Variants in SLC24A3 observed in about 807,000 individuals in gnomAD.
SLC24A3 encodes the protein solute carrier family 24 member 3, also known as sodium/potassium/calcium exchanger 3.
SLC24A3 carries 28 observed loss-of-function variants against 75.8 expected under a neutral mutation model. The observed-to-expected ratio is 0.37, with a 90% confidence interval of 0.27 to 0.51. The LOEUF (loss-of-function observed/expected upper bound fraction) is 0.51. Among genes scored for constraint, SLC24A3 ranks in the 20% least tolerant of loss-of-function variants. SLC24A3 has a pLI of 0.94. For synonymous variants in SLC24A3, 372 were observed against 334.1 expected (o/e 1.11, Z -1.24); for missense variants, 663 against 847.8 (o/e 0.78, Z 2.71).
intron 1 of SLC24A3, among the ~76,000 whole-genome samples, chr20:19,251,626 C>A (rs775434144): frequency 6.6e-6 from 1 of 152,134 alleles, no homozygotes; most frequent in Non-Finnish European, 1.5e-5. Flanking sequence ...AATTGTCCCA[C>A]GAGAGAGGCA....
intron 6 of SLC24A3, among the ~76,000 whole-genome samples, chr20:19,593,963 G>C (rs956212375): frequency 1.3e-5 from 2 of 152,176 alleles, no homozygotes; most frequent in Admixed American, 6.5e-5. Flanking sequence ...CAGCTGCCGG[G>C]TGGGCCCAGG....
At chr20:19,346,122 G>GTATATA (rs1192746264) in intron 2 of SLC24A3, among the ~76,000 whole-genome samples, 1 of 60,102 alleles carries the variant, frequency 1.7e-5, no homozygotes, top group Non-Finnish European at 2.7e-5. Context: ...GTGTGTGTGT[G>GTATATA]TGTATATATA....
chr20:19,680,126 GTGTC>G (rs965519306), intron 9 of SLC24A3, among the ~76,000 whole-genome samples: 6 of 140,592 alleles, frequency 4.3e-5, no homozygotes, highest in Admixed American at 4.2e-4. Flanking sequence ...GTCTGTGTGT[GTGTC>G]TGTGTGTGTC....
intron 2 of SLC24A3, among the ~76,000 whole-genome samples, chr20:19,382,876 G>A (rs565891089): frequency 6.6e-5 from 10 of 152,204 alleles, no homozygotes; most frequent in East Asian, 1.9e-4. Flanking sequence ...AAGTCTGGCC[G>A]CCCCATGTCT....
At chr20:19,268,423 C>G (rs760803609) in intron 1 of SLC24A3, among the ~76,000 whole-genome samples, 1 of 152,166 alleles carries the variant, frequency 6.6e-6, no homozygotes, top group Non-Finnish European at 1.5e-5. Context: ...GTGGGGGACC[C>G]TACCAGCTTT....
At chr20:19,426,406 A>C (rs1270004995) in intron 2 of SLC24A3, among the ~76,000 whole-genome samples, 1 of 152,194 alleles carries the variant, frequency 6.6e-6, no homozygotes, top group East Asian at 1.9e-4. Flanking sequence ...TAAATATATT[A>C]TTTGTGGTTA....
chr20:19,685,039 C>G (rs2032657563), intron 11 of SLC24A3, 61 bp from the exon 12 acceptor site: 1 of 1,525,872 alleles, frequency 6.6e-7, no homozygotes, highest in African/African-American at 1.4e-5. Context: ...AGCTCATGTT[C>G]TGAGTGTAAG....
At chr20:19,355,684 A>G (rs1985666802) in intron 2 of SLC24A3, among the ~76,000 whole-genome samples, 1 of 152,246 alleles carries the variant, frequency 6.6e-6, no homozygotes. Flanking sequence ...CCTATAGTGA[A>G]TAAACAACCT....
chr20:19,685,447 T>C (rs140344103), intron 12 of SLC24A3, 86 bp downstream of exon 12: 1 of 1,538,306 alleles, frequency 6.5e-7, no homozygotes, highest in Non-Finnish European at 8.8e-7. Flanking sequence ...CTTTTTACCA[T>C]TCAATTTTTT....
intron 2 of SLC24A3, among the ~76,000 whole-genome samples, chr20:19,388,910 G>A (rs1036498824): frequency 3.3e-5 from 5 of 151,830 alleles, no homozygotes; most frequent in African/African-American, 4.8e-5. Context: ...CTCTTTTGCC[G>A]TTCCTTTATT....
chr20:19,304,038 T>C (rs186433002), intron 2 of SLC24A3, among the ~76,000 whole-genome samples: 35 of 152,340 alleles, frequency 2.3e-4, no homozygotes, highest in Admixed American at 1.1e-3. Context: ...CCCTGGAGGA[T>C]GCAGCCATTT....
chr20:19,308,614 C>T (rs930998733), intron 2 of SLC24A3, among the ~76,000 whole-genome samples: 5 of 152,160 alleles, frequency 3.3e-5, no homozygotes, highest in Admixed American at 3.3e-4. Flanking sequence ...TGATGCACTT[C>T]GCAAACCTTT....
chr20:19,601,162 C>T (rs2031522120), intron 6 of SLC24A3, among the ~76,000 whole-genome samples: 1 of 152,172 alleles, frequency 6.6e-6, no homozygotes, highest in African/African-American at 2.4e-5. Flanking sequence ...GTAAAACACC[C>T]AGAAGACCCA....
At chr20:19,679,070 G>A (rs1049974044) in intron 9 of SLC24A3, among the ~76,000 whole-genome samples, 8 of 152,200 alleles carry the variant, frequency 5.3e-5, no homozygotes, top group Admixed American at 4.6e-4. Flanking sequence ...GGGCGGCCAG[G>A]CAGAGACGCT....
chr20:19,406,115 C>T (rs1442945381), intron 2 of SLC24A3, among the ~76,000 whole-genome samples: 1 of 151,802 alleles, frequency 6.6e-6, no homozygotes, highest in African/African-American at 2.4e-5. Context: ...TAACTGCCTT[C>T]AAGAATATTG....
chr20:19,536,606 C>T (rs922580593), intron 3 of SLC24A3, among the ~76,000 whole-genome samples: 3 of 152,186 alleles, frequency 2.0e-5, no homozygotes, highest in African/African-American at 7.2e-5. Flanking sequence ...GGAGGCATCA[C>T]GCTACCTGAC....
chr20:19,445,847 C>T (rs192777963), intron 2 of SLC24A3, among the ~76,000 whole-genome samples: 2 of 152,228 alleles, frequency 1.3e-5, no homozygotes, highest in East Asian at 3.9e-4. Flanking sequence ...ACGACATCTG[C>T]CCAAACCTCT....
rs139303942 is a variant in SLC24A3, at chr20:19,463,017, G to T, written c.272-52471G>T. Among the ~76,000 whole-genome samples, 211 of 151,936 alleles carry T rather than the reference G, an allele frequency of 1.4e-3. 1 individual carries two copies. The highest frequency in any genetic ancestry group is 4.7e-3 in the African/African-American group (196 of 41,442). ...CACCTCCTATCTCTTCACTGCCCGG[G>T]GTCTGGTCCTGCCCACTCTTTCCAG... On this transcript the variant is annotated intron_variant, in intron 2 of 16. Coordinates refer to ENST00000328041, the MANE Select transcript of SLC24A3 (RefSeq NM_020689.4).
intron 2 of SLC24A3, among the ~76,000 whole-genome samples, chr20:19,460,356 C>T (rs560261607): frequency 2.0e-5 from 3 of 152,220 alleles, no homozygotes; most frequent in Admixed American, 6.5e-5. Context: ...AACTATGCCC[C>T]GTCTTTCCTG....
Sources: gnomAD v4.1 joint callset for allele counts (sites outside exome capture counted in the v4.1 genomes callset) on GRCh38, gnomAD v4.1.1 for gene constraint, MANE v1.5 for transcripts, NCBI Gene and HGNC (gene_info 2026-07-23, HGNC 2026-07-21) for gene names.